SLC7A9: variants seen among roughly 807,000 people sequenced by gnomAD.
The protein encoded by SLC7A9 is B(0,+)-type amino acid transporter 1.
In SLC7A9, 38 loss-of-function variants were observed where a neutral mutation model predicts 54.1. That is an observed-to-expected ratio of 0.70 (90% CI 0.54 to 0.92). SLC7A9 has a LOEUF of 0.92. Ranked by LOEUF, SLC7A9 falls within the 40% of genes least tolerant of loss-of-function variation. The pLI, the probability that SLC7A9 is intolerant of heterozygous loss-of-function variation, is 0.00. For synonymous variants in SLC7A9, 264 were observed against 258.9 expected, an observed-to-expected ratio of 1.02 and a Z score of -0.19; for missense variants, 537 against 636.1, an observed-to-expected ratio of 0.84 and a Z score of 1.68.
intron 3 of SLC7A9, 86 bp from the exon 4 acceptor site, chr19:32,864,424 C>A: frequency 1.3e-6 from 2 of 1,589,352 alleles, no homozygotes; most frequent in Non-Finnish European, 8.6e-7. Flanking sequence ...GGAGGCTGCG[C>A]TCGTATGGAG....
chr19:32,862,064 T>C, intron 6 of SLC7A9, 54 bp downstream of exon 6: 1 of 1,148,344 alleles, frequency 8.7e-7, no homozygotes, highest in South Asian at 1.2e-5. Flanking sequence ...GGAGTTAAAG[T>C]CACCTGGAGA....
intron 6 of SLC7A9, among the ~76,000 whole-genome samples, chr19:32,860,975 C>A (rs1968783831): frequency 1.3e-5 from 2 of 152,176 alleles, no homozygotes; most frequent in Admixed American, 1.3e-4. Context: ...GGAATTAAAT[C>A]TATAAATGCT....
chr19:32,838,807 A>C (rs1423602183), intron 11 of SLC7A9, among the ~76,000 whole-genome samples: 1 of 119,962 alleles, frequency 8.3e-6, no homozygotes, highest in African/African-American at 2.6e-5. Flanking sequence ...ATACATATAT[A>C]TCTATTATAC....
chr19:32,839,904 T>C lies in SLC7A9; in HGVS notation c.1224+2264A>G, dbSNP rs376448140. 5.3e-5 allele frequency among the ~76,000 whole-genome samples: 8 copies of C among 152,344 alleles called. 1 individual carries two copies. The highest frequency in any genetic ancestry group is 1.9e-4 in the African/African-American group (8 of 41,574). ...GCTCAAAATTTCCAGTTACATTGTA[T>C]GCCTTTCAGTATGTTGGTTCAAGAT... On this transcript the variant is annotated intron_variant, in intron 11 of 12. Coordinates refer to ENST00000023064, the MANE Select transcript of SLC7A9 (RefSeq NM_014270.5).
intron 9 of SLC7A9, among the ~76,000 whole-genome samples, chr19:32,855,635 G>A (rs1226061838): frequency 6.6e-6 from 1 of 152,008 alleles, no homozygotes; most frequent in Non-Finnish European, 1.5e-5. Context: ...CTGGGAGGTG[G>A]AGCTTGCAGT....
intron 6 of SLC7A9, among the ~76,000 whole-genome samples, chr19:32,860,972 A>C (rs1438174757): frequency 6.6e-6 from 1 of 152,328 alleles, no homozygotes; most frequent in Non-Finnish European, 1.5e-5. Context: ...AAGGGAATTA[A>C]ATCTATAAAT....
At position 32,864,454 on chromosome 19, in the gene SLC7A9, C is replaced by T. The variant is rs1020157498; in HGVS notation, c.236-116G>A. On this transcript the variant is annotated intron_variant, in intron 3 of 12. Coordinates refer to ENST00000023064, the MANE Select transcript of SLC7A9 (RefSeq NM_014270.5). ...ATGGAGGGGCCCACCGTGGTCCGCCCTCGCTGGACGGCCCTGAGCTCCAGC... is the reference window on the plus strand; with the variant it reads ...ATGGAGGGGCCCACCGTGGTCCGCCTTCGCTGGACGGCCCTGAGCTCCAGC... 7.8e-6 allele frequency: 12 copies of T among 1,533,568 alleles called. No homozygotes were observed. The African/African-American group carries it at 1.1e-4, about 14-fold the overall frequency. 95.0% of individuals were successfully genotyped at this position (1,533,568 alleles called of 1,614,324 possible). A position where few individuals can be genotyped will look rare whatever the true frequency, so the allele number is the denominator to read the frequency against.
chr19:32,861,499 T>C (rs1183452646), intron 6 of SLC7A9, among the ~76,000 whole-genome samples: 1 of 152,076 alleles, frequency 6.6e-6, no homozygotes, highest in Admixed American at 6.6e-5. Flanking sequence ...AGAAGTGCTA[T>C]TGAGTATTCT....
At chr19:32,852,184 T>G (rs1028478695) in intron 9 of SLC7A9, among the ~76,000 whole-genome samples, 1 of 150,552 alleles carries the variant, frequency 6.6e-6, no homozygotes, top group Non-Finnish European at 1.5e-5. Flanking sequence ...ATAATAAAAT[T>G]AAAAAAAAAG....
intron 11 of SLC7A9, among the ~76,000 whole-genome samples, chr19:32,841,072 A>G (rs1968114416): frequency 6.6e-6 from 1 of 152,224 alleles, no homozygotes; most frequent in Admixed American, 6.5e-5. Context: ...AGGCTGTGCC[A>G]TGACTCAGCT....
chr19:32,865,994 T>C (rs954861175), intron 2 of SLC7A9, among the ~76,000 whole-genome samples: 1 of 149,982 alleles, frequency 6.7e-6, no homozygotes, highest in East Asian at 1.9e-4. Flanking sequence ...TTACACTGTA[T>C]GTAAATTACA....
chr19:32,855,058 T>C (rs1432269318), intron 9 of SLC7A9, among the ~76,000 whole-genome samples: 1 of 152,144 alleles, frequency 6.6e-6, no homozygotes, highest in Non-Finnish European at 1.5e-5. Context: ...TAAGTGTCCA[T>C]CACAGATGAA....
At position 32,842,323 on chromosome 19, in the gene SLC7A9, A is replaced by G. The variant is rs759320399; in HGVS notation, c.1075-6T>C. On this transcript the variant is annotated splice_region_variant and splice_polypyrimidine_tract_variant and intron_variant, in intron 10 of 12. Transcript: ENST00000023064. ...TAAATCGTTGCTATGATACCCTAAT[A>G]GAAAGAAGAATGGATTTGTAGGTCA... 20 of 1,612,124 alleles carry G rather than the reference A, an allele frequency of 1.2e-5. No homozygotes were observed. The highest frequency in any genetic ancestry group is 1.6e-4 in the Middle Eastern group (1 of 6,080).
intron 11 of SLC7A9, among the ~76,000 whole-genome samples, chr19:32,836,310 A>G (rs1357360942): frequency 1.3e-5 from 2 of 152,190 alleles, no homozygotes; most frequent in African/African-American, 4.8e-5. Context: ...TGGCCTCCCA[A>G]AATGCTGGGA....
chr19:32,847,947 G>A (rs1219423390), intron 9 of SLC7A9, among the ~76,000 whole-genome samples: 2 of 152,136 alleles, frequency 1.3e-5, no homozygotes, highest in Non-Finnish European at 2.9e-5. Flanking sequence ...AGCTTCATAA[G>A]TGAAGGAGAA....
At position 32,833,296 on chromosome 19, in the gene SLC7A9, T is replaced by G; in HGVS notation, c.1252A>C (p.Thr418Pro). ...AGAACCAAAAACACAGAGATGAGTG[T>G]CATCAAGACGGGAATGACTACGGGC... ...KVPVVIPVLM[T>P]LISVFLVLAP... Residue 418 changes from threonine to proline, a missense_variant, in exon 12 of 13, where the codon ACA becomes CCA. By Grantham distance (38) the Thr-to-Pro change is conservative. Coordinates refer to ENST00000023064, the MANE Select transcript of SLC7A9 (RefSeq NM_014270.5). The G allele has an allele frequency of 6.2e-7, 1 of 1,614,098 alleles. No individual in the cohort carries two copies. The highest frequency in any genetic ancestry group is 8.5e-7 in the Non-Finnish European group (1 of 1,180,016).
intron 9 of SLC7A9, among the ~76,000 whole-genome samples, chr19:32,852,668 A>G (rs1968502514): frequency 1.3e-5 from 2 of 152,162 alleles, no homozygotes; most frequent in Non-Finnish European, 2.9e-5. Context: ...AAGAAGTGAA[A>G]CCAGGAGGAT....
intron 9 of SLC7A9, among the ~76,000 whole-genome samples, chr19:32,857,757 C>T (rs1258027358): frequency 1.3e-5 from 2 of 152,204 alleles, no homozygotes; most frequent in Non-Finnish European, 2.9e-5. Context: ...AGTTATGCTA[C>T]ATCTGAAAGT....
At chr19:32,837,782 G>A (rs1030217604) in intron 11 of SLC7A9, among the ~76,000 whole-genome samples, 1 of 152,146 alleles carries the variant, frequency 6.6e-6, no homozygotes, top group African/African-American at 2.4e-5. Context: ...AATTTGGAAT[G>A]TAACTTGAAA....
Sources: gnomAD v4.1 joint callset for allele counts (sites outside exome capture counted in the v4.1 genomes callset) on GRCh38, gnomAD v4.1.1 for gene constraint, MANE v1.5 for transcripts, NCBI Gene and HGNC (gene_info 2026-07-23, HGNC 2026-07-21) for gene names.